EPS15L1: variants seen among roughly 807,000 people sequenced by gnomAD.
The protein encoded by EPS15L1 is epidermal growth factor receptor pathway substrate 15 like 1.
EPS15L1 carries 43 observed loss-of-function variants against 117.1 expected under a neutral mutation model. That is an observed-to-expected ratio of 0.37 (90% confidence interval 0.29 to 0.47). The LOEUF is 0.47. Ranked by LOEUF, EPS15L1 falls within the 20% of genes least tolerant of loss-of-function variation. EPS15L1 has a pLI of 0.99. For missense variants in EPS15L1, 981 were observed against 1,164.0 expected (o/e 0.84, Z 2.29); for synonymous variants, 459 against 470.5 (o/e 0.98, Z 0.32).
chr19:16,440,953 T>C (rs761064480), intron 3 of EPS15L1, 44 bp from the exon 4 acceptor site: 14 of 1,602,270 alleles, frequency 8.7e-6, no homozygotes, highest in African/African-American at 1.3e-5. Context: ...TGCCGATCAC[T>C]GTCCACGTGT....
At chr19:16,422,970 A>C (rs560776406) in intron 9 of EPS15L1, among the ~76,000 whole-genome samples, 1 of 121,178 alleles carries the variant, frequency 8.3e-6, no homozygotes, top group African/African-American at 3.0e-5. Flanking sequence ...GGAAAAAAAA[A>C]GGGGGGGGGG....
At chr19:16,369,513 AAAG>A (rs1292139106) in intron 22 of EPS15L1, among the ~76,000 whole-genome samples, 32 of 152,318 alleles carry the variant, frequency 2.1e-4, no homozygotes, top group Admixed American at 1.0e-3. Context: ...CTTGCCATTA[AAAG>A]AAGAAAGTGG....
chr19:16,379,029 C>A (rs79157206), intron 21 of EPS15L1, among the ~76,000 whole-genome samples: 26 of 152,148 alleles, frequency 1.7e-4, no homozygotes, highest in African/African-American at 6.3e-4. Context: ...CCTGGCCGGG[C>A]GCACTGGCTC....
rs76067775 is a variant in EPS15L1, at chr19:16,395,793, A to C, written c.1792-326T>G. Among the ~76,000 whole-genome samples the C allele has an allele frequency of 3.8e-3, 582 of 152,200 alleles. 13 individuals are homozygous for C. In the East Asian group the frequency reaches 0.044, roughly 12 times the overall value. On this transcript the variant is annotated intron_variant, in intron 16 of 23. Coordinates refer to ENST00000455140, the MANE Select transcript of EPS15L1 (RefSeq NM_001258374.3). ...AACCTGTCTCTACTAAAAATACAAAAAATTAGCTGGGTGTTGTGCCGGGCA... is the reference window on the plus strand; with the variant it reads ...AACCTGTCTCTACTAAAAATACAAACAATTAGCTGGGTGTTGTGCCGGGCA...
At chr19:16,446,089 G>C (rs1338070299) in intron 1 of EPS15L1, among the ~76,000 whole-genome samples, 1 of 152,216 alleles carries the variant, frequency 6.6e-6, no homozygotes, top group African/African-American at 2.4e-5. Context: ...TGGGATGACA[G>C]AGAGAGGGGC....
At chr19:16,403,219 G>A (rs757952780) in intron 15 of EPS15L1, among the ~76,000 whole-genome samples, 4 of 152,076 alleles carry the variant, frequency 2.6e-5, no homozygotes, top group Non-Finnish European at 2.9e-5. Flanking sequence ...TGCAGGCCAC[G>A]AGAAGCCAGC....
chr19:16,438,428 A>G (rs8109484), intron 4 of EPS15L1, among the ~76,000 whole-genome samples: 1,782 of 152,324 alleles, frequency 0.012, 35 homozygotes, highest in African/African-American at 0.041. Flanking sequence ...TCAGATGCAT[A>G]TATTTTCCAA....
intron 23 of EPS15L1, 78 bp from the exon 24 acceptor site, chr19:16,355,929 T>A: frequency 6.7e-7 from 1 of 1,494,376 alleles, no homozygotes; most frequent in Non-Finnish European, 9.0e-7. Context: ...AGGGAATGCG[T>A]GGGAGGGGTC....
chr19:16,415,131 G>A lies in EPS15L1; in HGVS notation c.1194-1286C>T, dbSNP rs371699909. On this transcript the variant is annotated intron_variant, in intron 12 of 23. Coordinates refer to ENST00000455140, the MANE Select transcript of EPS15L1 (RefSeq NM_001258374.3). ...ATAGGTGTGAGCCACAAGGCCCAGG[G>A]TTTAGTGCCCTTATAAGAAGGACCC... is the stretch of plus-strand genomic sequence containing the variant. Among the ~76,000 whole-genome samples the A allele has an allele frequency of 3.9e-5, 6 of 152,274 alleles. No individual in the cohort carries two copies. In the East Asian group the frequency reaches 9.6e-4, roughly 24 times the overall value.
intron 15 of EPS15L1, 46 bp downstream of exon 15, chr19:16,403,687 C>T: frequency 1.3e-6 from 2 of 1,568,642 alleles, no homozygotes; most frequent in Admixed American, 1.7e-5. Flanking sequence ...GCTCTTGGGG[C>T]TCGCTGGTCC....
At chr19:16,389,486 G>A (rs1250334140) in intron 19 of EPS15L1, among the ~76,000 whole-genome samples, 1 of 152,036 alleles carries the variant, frequency 6.6e-6, no homozygotes, top group African/African-American at 2.4e-5. Flanking sequence ...CAACACAGTC[G>A]ACCTGAGCTA....
rs199603624 is a variant in EPS15L1 at position 16,393,959 on chromosome 19, G to A, written c.1958C>T (p.Thr653Ile). 2 of 1,614,078 alleles carry A rather than the reference G, an allele frequency of 1.2e-6. No individual in the cohort carries two copies. The highest frequency in any genetic ancestry group is 1.7e-5 in the Admixed American group (1 of 60,020). ...QNDPFAEQQT[T>I]STDPFGGDPF... ...GAAACACTGAATTTTACCTGTTGAAGTTGTCTGCTGTTCTGCAAAGGGGTC... is the reference window on the plus strand; with the variant it reads ...GAAACACTGAATTTTACCTGTTGAAATTGTCTGCTGTTCTGCAAAGGGGTC... The change falls in exon 18 of 24, where the codon ACT becomes ATT. Residue 653 changes from threonine (T) to isoleucine (I), a missense_variant. Physicochemically the swap from Thr to Ile is moderately conservative, Grantham distance 89 (BLOSUM62 -1). This residue lies in a region of EPS15L1 where 819 missense variants were observed against 949.0 expected (regional missense o/e 0.86). Transcript: ENST00000455140.
At chr19:16,389,605 AACTAAATGACT>A (rs1158268294) in intron 19 of EPS15L1, among the ~76,000 whole-genome samples, 1 of 152,202 alleles carries the variant, frequency 6.6e-6, no homozygotes, top group African/African-American at 2.4e-5. Context: ...ATTTGGGTAA[AACTAAATGACT>A]ACTTTTTTCC....
At chr19:16,436,823 TA>T in intron 6 of EPS15L1, 113 bp downstream of exon 6, 3 of 823,024 alleles carry the variant, frequency 3.6e-6, no homozygotes, top group Non-Finnish European at 5.8e-6. Flanking sequence ...AATCATCCTA[TA>T]AAATGTTCTG....
chr19:16,412,340 A>G (rs1485933885), intron 13 of EPS15L1, among the ~76,000 whole-genome samples: 1 of 151,910 alleles, frequency 6.6e-6, no homozygotes, highest in Non-Finnish European at 1.5e-5. Flanking sequence ...TCTCTACTAA[A>G]ATACAAAAAA....
chr19:16,384,113 T>G (rs2092393355), intron 21 of EPS15L1: 1 of 152,216 alleles, frequency 6.6e-6, no homozygotes, highest in South Asian at 2.1e-4. Flanking sequence ...TCCCGCAGCG[T>G]GGATAATGCC....
At chr19:16,450,505 G>C (rs957314860) in intron 1 of EPS15L1, among the ~76,000 whole-genome samples, 2 of 141,472 alleles carry the variant, frequency 1.4e-5, no homozygotes, top group African/African-American at 5.5e-5. Flanking sequence ...TTTTGAGACG[G>C]AGTCTCACTT....
At chr19:16,417,352 G>A in intron 12 of EPS15L1, 200 bp downstream of exon 12, 2 of 566,714 alleles carry the variant, frequency 3.5e-6, no homozygotes, top group South Asian at 1.9e-5. Flanking sequence ...ACGGGCTCTG[G>A]CTGAGGCTGA....
chr19:16,357,594 G>C (rs184102645), intron 23 of EPS15L1: 1 of 153,114 alleles, frequency 6.5e-6, no homozygotes, highest in Non-Finnish European at 1.5e-5. Flanking sequence ...CAAGGTGCAG[G>C]AGCAGATAAA....
Sources: gnomAD v4.1 joint callset for allele counts (sites outside exome capture counted in the v4.1 genomes callset) on GRCh38, gnomAD v4.1.1 for gene constraint, gnomAD v4.1.1 regional missense constraint, MANE v1.5 for transcripts, NCBI Gene and HGNC (gene_info 2026-07-23, HGNC 2026-07-21) for gene names.